The following COL9A3 variants were observed in gnomAD, a reference collection of about 807,000 sequenced individuals.
COL9A3 encodes collagen type IX alpha 3 chain, also known as collagen alpha-3(IX) chain.
Under a neutral mutation model 110.2 loss-of-function variants are expected in COL9A3, and 82 were observed. The ratio of observed to expected loss-of-function variants is 0.74; its 90% CI spans 0.62 to 0.89. The LOEUF is 0.89. Among genes scored for constraint, COL9A3 ranks in the 40% least tolerant of loss-of-function variants. The probability of loss-of-function intolerance (pLI) is 0.00; values close to 1 mark genes in which losing one functional copy is unlikely to be tolerated. For synonymous variants in COL9A3, 494 were observed against 403.8 expected, an observed-to-expected ratio of 1.22 and a Z score of -2.68; for missense variants, 1,066 against 981.3, an observed-to-expected ratio of 1.09 and a Z score of -1.15.
rs1014001674 is a variant in COL9A3, at chr20:62,829,494, G to A, written c.1048G>A (p.Glu350Lys). 1.1e-5 allele frequency: 18 copies of A among 1,610,856 alleles called. No homozygotes were observed. Among genetic ancestry groups the A allele is most frequent in the Non-Finnish European group, 1.5e-5 (18 of 1,178,954 alleles). Residue 350 changes from glutamate (E) to lysine (K), a missense_variant, in exon 20 of 32, where the codon GAA (glutamate) becomes AAA (lysine). Coordinates refer to ENST00000649368, the MANE Select transcript of COL9A3 (RefSeq NM_001853.4). ...GRAGSKGEKG[E>K]RGRAGELGEA... ...AGCGGGGTCCAAAGGCGAGAAGGGA[G>A]AACGGGTATGTGGCTGCAGCCGCTT...
rs140304712 is a variant in COL9A3 at position 62,821,954 on chromosome 20, C to T, written c.423+144C>T. The stretch of plus-strand genomic sequence containing the variant: ...GGTGGGTGTTGGTAGAAGCCCTGGC[C>T]AATGATCCAGACCCGACCTCAGGAC... On this transcript the variant is annotated intron_variant, in intron 8 of 31. Transcript: ENST00000649368. 2.2e-3 allele frequency: 1,679 copies of T among 753,828 alleles called. 8 individuals carry two copies. The highest frequency in any genetic ancestry group is 2.8e-3 in the Non-Finnish European group (1,184 of 417,886). 46.7% of individuals were successfully genotyped at this position (753,828 alleles called of 1,614,324 possible). A position where few individuals can be genotyped will look rare whatever the true frequency, so the allele number is the denominator to read the frequency against.
rs745335790 is a variant in COL9A3, at chr20:62,829,655, G to A, written c.1081G>A (p.Gly361Ser). 1.3e-5 allele frequency: 21 copies of A among 1,609,272 alleles called. No individual in the cohort carries two copies. In the East Asian group the frequency reaches 1.8e-4, roughly 14 times the overall value. Residue 361 changes from glycine (G) to serine (S), a missense_variant, in exon 21 of 32, where the codon GGC becomes AGC. By Grantham distance (56) the Gly-to-Ser change is moderately conservative (BLOSUM62 0). Coordinates refer to ENST00000649368, the MANE Select transcript of COL9A3 (RefSeq NM_001853.4). The part of the protein sequence containing the change: ...RGRAGELGEA[G>S]PSGEPGVPGD... ...CAGAGCTGGGGAGCTGGGTGAGGCC[G>A]GCCCCTCTGGAGAGCCAGGCGTCCC... is the stretch of plus-strand genomic sequence containing the variant.
rs1277463144 is a variant in COL9A3 at position 62,825,828 on chromosome 20, C to T, written c.642C>T (p.Gly214=). ...CCCCTCTGTTTCAGGGTGACCCTGG[C>T]CCCCCTGGGCCCGCCGGCCTCCCGG... The part of the protein sequence containing the change: ...VGKDGEKGDP[G]PPGPAGLPGS... Residue 214 remains glycine (G), a synonymous_variant, in exon 13 of 32, where the codon GGC becomes GGT. Coordinates refer to ENST00000649368, the MANE Select transcript of COL9A3 (RefSeq NM_001853.4). 4 of 1,554,538 alleles carry T rather than the reference C, an allele frequency of 2.6e-6. No individual in the cohort carries two copies. Among genetic ancestry groups the T allele is most frequent in the Admixed American group, 1.9e-5 (1 of 51,500 alleles).
chr20:62,827,437 G>T, intron 16 of COL9A3, 143 bp downstream of exon 16: 1 of 838,254 alleles, frequency 1.2e-6, no homozygotes, highest in East Asian at 2.7e-5. Flanking sequence ...GTGGGGGTGA[G>T]CCTGACCCTG....
chr20:62,825,752 G>T, intron 12 of COL9A3, 65 bp from the exon 13 acceptor site: 3 of 1,487,078 alleles, frequency 2.0e-6, no homozygotes, highest in Non-Finnish European at 1.8e-6. Context: ...AGGGTGACTG[G>T]AGGCACCGAA....
At chr20:62,824,148 G>A (rs1158387629) in intron 10 of COL9A3, among the ~76,000 whole-genome samples, 1 of 137,504 alleles carries the variant, frequency 7.3e-6, no homozygotes. Flanking sequence ...GTGTGGAGTG[G>A]CCTCCTGGGG....
At chr20:62,837,026 A>T in intron 29 of COL9A3, 57 bp from the exon 30 acceptor site, 1 of 1,595,266 alleles carries the variant, frequency 6.3e-7, no homozygotes, top group Non-Finnish European at 8.5e-7. Flanking sequence ...GCTTTACGTA[A>T]CAATACTTCT....
chr20:62,827,347 T>A, intron 16 of COL9A3, 53 bp downstream of exon 16: 1 of 1,577,246 alleles, frequency 6.3e-7, no homozygotes, highest in Non-Finnish European at 8.7e-7. Flanking sequence ...GAACCCAATT[T>A]CCCTCCTGAC....
At chr20:62,825,543 G>T (rs2063545603) in intron 12 of COL9A3, 2 of 567,402 alleles carry the variant, frequency 3.5e-6, no homozygotes, top group Admixed American at 6.1e-5. Flanking sequence ...CATCAGAGGG[G>T]TCCCTGCTTG....
chr20:62,828,073 C>G, intron 17 of COL9A3, 97 bp downstream of exon 17: 1 of 1,247,282 alleles, frequency 8.0e-7, no homozygotes, highest in Non-Finnish European at 1.2e-6. Flanking sequence ...TCAGTGCCCT[C>G]TGCTGTGGCC....
At chr20:62,834,441 C>T (rs915351524) in intron 26 of COL9A3, among the ~76,000 whole-genome samples, 13 of 148,192 alleles carry the variant, frequency 8.8e-5, no homozygotes, top group Admixed American at 1.3e-4. Context: ...ATGGAGCAGT[C>T]GTGAGTCCGA....
chr20:62,834,033 C>T (rs573691526), intron 26 of COL9A3, among the ~76,000 whole-genome samples: 76 of 152,296 alleles, frequency 5.0e-4, no homozygotes, highest in Admixed American at 7.8e-4. Flanking sequence ...GCCACCACGC[C>T]CAGCTAATGT....
intron 30 of COL9A3, among the ~76,000 whole-genome samples, chr20:62,837,638 C>A (rs1392963176): frequency 6.6e-6 from 1 of 151,762 alleles, no homozygotes; most frequent in Non-Finnish European, 1.5e-5. Flanking sequence ...GAAACCCTGT[C>A]TCTACTAAAA....
intron 4 of COL9A3, among the ~76,000 whole-genome samples, chr20:62,819,565 G>C (rs1407079245): frequency 6.6e-6 from 1 of 152,170 alleles, no homozygotes; most frequent in African/African-American, 2.4e-5. Flanking sequence ...AGGACCTTCT[G>C]CCCACTGCTG....
At chr20:62,838,256 G>A (rs946703421) in intron 30 of COL9A3, among the ~76,000 whole-genome samples, 13 of 152,190 alleles carry the variant, frequency 8.5e-5, no homozygotes, top group Admixed American at 7.2e-4. Context: ...GTTCACTTAC[G>A]CAAGCCCGGC....
At chr20:62,832,819 T>A in intron 25 of COL9A3, 1 of 564,200 alleles carries the variant, frequency 1.8e-6, no homozygotes, top group East Asian at 2.9e-5. Context: ...TGTCTTCCGT[T>A]TTTTGGCCCC....
At chr20:62,829,001 G>C (rs751338018) in intron 19 of COL9A3, 25 bp downstream of exon 19, 15 of 1,579,952 alleles carry the variant, frequency 9.5e-6, no homozygotes, top group Non-Finnish European at 9.4e-6. Context: ...GGTGGGGCCA[G>C]CCTGGGGCGC....
In COL9A3 at chr20:62,829,777, C is replaced by T. The variant is rs1431226789; in HGVS notation, c.1119C>T (p.Gly373=). 4 of 1,590,628 alleles carry T rather than the reference C, an allele frequency of 2.5e-6. No individual in the cohort carries two copies. The highest frequency in any genetic ancestry group is 3.4e-6 in the Non-Finnish European group (4 of 1,169,032). Residue 373 remains glycine, a synonymous_variant, in exon 22 of 32, where the codon GGC becomes GGT. Transcript: ENST00000649368. ...TCCTTTCCCTGTAGGGAGATGCTGG[C>T]ATGCCTGGGGAGCGCGGTGAGGCTG... ...SGEPGVPGDA[G]MPGERGEAGH...
rs745914662 is a variant in COL9A3 at position 62,817,585 on chromosome 20, C to G, written c.97C>G (p.Pro33Ala). The G allele has an allele frequency of 3.2e-6, 5 of 1,540,640 alleles. No individual in the cohort carries two copies. Among genetic ancestry groups the G allele is most frequent in the East Asian group, 2.5e-5 (1 of 40,800 alleles). ...AGAQRVGLPG[P>A]PGPPGPPGKP... is the part of the protein sequence containing the mutation. ...GTTTCAGAGAGTGGGACTCCCCGGC[C>G]CCCCCGGCCCCCCAGGGCCGCCCGG... Residue 33 changes from proline (P) to alanine (A), a missense_variant, in exon 2 of 32, where the codon CCC becomes GCC. By Grantham distance (27) the Pro-to-Ala change is conservative. Coordinates refer to ENST00000649368, the MANE Select transcript of COL9A3 (RefSeq NM_001853.4).
Sources: allele counts gnomAD v4.1 joint callset (sites outside exome capture counted in the v4.1 genomes callset), GRCh38; gene constraint gnomAD v4.1.1; transcripts MANE v1.5; gene names NCBI Gene and HGNC (gene_info 2026-07-23, HGNC 2026-07-21).